Variants in FAM180A observed in about 807,000 individuals in gnomAD.
FAM180A encodes the protein protein FAM180A.
FAM180A carries 14 observed loss-of-function variants against 15.3 expected under a neutral mutation model. The ratio of observed to expected loss-of-function variants is 0.92; its 90% confidence interval spans 0.61 to 1.43. The LOEUF is 1.43. FAM180A is among the 40% of genes most tolerant of loss of function. FAM180A has a pLI of 0.00. For missense variants in FAM180A, 200 were observed against 220.8 expected (o/e 0.91, Z 0.60); for synonymous variants, 90 against 96.8 (o/e 0.93, Z 0.41).
chr7:135,731,833 C>G (rs1796787353), intron 3 of FAM180A, among the ~76,000 whole-genome samples: 2 of 152,160 alleles, frequency 1.3e-5, no homozygotes, highest in African/African-American at 4.8e-5. Flanking sequence ...CTTATTTGCT[C>G]AAAGATTTTG....
Position 135,739,879 on chromosome 7 carries a change from C to T in FAM180A, c.77-2680G>A, listed in dbSNP as rs80321660. ...TACATACAGTTTTATATTCTGTACC[C>T]GTGGCAGAGCCTGGCAGGCTTCCGG... On this transcript the variant is annotated intron_variant, in intron 1 of 3. Coordinates refer to ENST00000338588, the MANE Select transcript of FAM180A (RefSeq NM_205855.4). 2.0e-3 allele frequency among the ~76,000 whole-genome samples: 301 copies of T among 152,178 alleles called. 2 individuals carry two copies. Among genetic ancestry groups the T allele is most frequent in the African/African-American group, 6.9e-3 (288 of 41,532 alleles).
chr7:135,745,761 A>G (rs1167177670), intron 1 of FAM180A, among the ~76,000 whole-genome samples: 2 of 149,192 alleles, frequency 1.3e-5, no homozygotes, highest in East Asian at 4.0e-4. Flanking sequence ...GAGGATGGAC[A>G]CGGGGTAGTG....
chr7:135,742,396 G>C (rs141237534), intron 1 of FAM180A, among the ~76,000 whole-genome samples: 1 of 152,328 alleles, frequency 6.6e-6, no homozygotes, highest in Non-Finnish European at 1.5e-5. Flanking sequence ...TATGTGCAAA[G>C]CTGGAAACTA....
intron 3 of FAM180A, among the ~76,000 whole-genome samples, chr7:135,731,416 G>T (rs1796778681): frequency 6.6e-6 from 1 of 151,936 alleles, no homozygotes. Flanking sequence ...GAGTGTTAGA[G>T]TGTGGGTCAG....
intron 2 of FAM180A, among the ~76,000 whole-genome samples, chr7:135,735,795 C>T (rs182897765): frequency 1.3e-5 from 2 of 152,248 alleles, no homozygotes; most frequent in African/African-American, 4.8e-5. Context: ...CTCCACCTCC[C>T]GGGTTCAAGT....
Position 135,733,843 on chromosome 7 carries a change from C to T in FAM180A, c.*132G>A. 1 of 1,413,792 alleles carries T rather than the reference C, an allele frequency of 7.1e-7. No individual in the cohort carries two copies. The highest frequency in any genetic ancestry group is 9.2e-7 in the Non-Finnish European group (1 of 1,086,792). 87.6% of individuals were successfully genotyped at this position (1,413,792 alleles called of 1,614,324 possible). ...CAAGGAGAAAAGAGCATCGGGGTTA[C>T]TGTTTGATCTCTGCTGCTCTGTGTC... On this transcript the variant is annotated 3_prime_UTR_variant, in exon 3 of 4. Coordinates refer to ENST00000338588, the MANE Select transcript of FAM180A (RefSeq NM_205855.4).
At chr7:135,741,707 C>T (rs770870506) in intron 1 of FAM180A, among the ~76,000 whole-genome samples, 12 of 151,742 alleles carry the variant, frequency 7.9e-5, no homozygotes, top group Non-Finnish European at 1.6e-4. Flanking sequence ...GCTTGTGGTC[C>T]CAGCTACTTG....
chr7:135,732,688 A>ATC (rs1796801358), intron 3 of FAM180A, among the ~76,000 whole-genome samples: 1 of 99,118 alleles, frequency 1.0e-5, no homozygotes, highest in Non-Finnish European at 2.1e-5. Flanking sequence ...GCGAGACTCC[A>ATC]TCACACACAC....
intron 1 of FAM180A, among the ~76,000 whole-genome samples, chr7:135,737,474 C>T (rs916526471): frequency 6.6e-6 from 1 of 151,572 alleles, no homozygotes; most frequent in Non-Finnish European, 1.5e-5. Context: ...GTAATTGCAG[C>T]TACATGGAAG....
At chr7:135,737,072 G>T in intron 2 of FAM180A, 27 bp downstream of exon 2, 1 of 1,554,890 alleles carries the variant, frequency 6.4e-7, no homozygotes, top group Non-Finnish European at 8.8e-7. Context: ...TGGGTGACTT[G>T]GATTGAGCAT....
intron 1 of FAM180A, among the ~76,000 whole-genome samples, chr7:135,741,970 G>C (rs1404713185): frequency 6.6e-6 from 1 of 152,170 alleles, no homozygotes; most frequent in Non-Finnish European, 1.5e-5. Flanking sequence ...GGAAGCACAG[G>C]AATCTTAAAG....
At chr7:135,734,828 C>T (rs1177870229) in intron 2 of FAM180A, among the ~76,000 whole-genome samples, 1 of 152,190 alleles carries the variant, frequency 6.6e-6, no homozygotes, top group Non-Finnish European at 1.5e-5. Flanking sequence ...TGTTTCTTTT[C>T]TGTGTTAAAC....
At chr7:135,737,968 T>C (rs1796895675) in intron 1 of FAM180A, among the ~76,000 whole-genome samples, 1 of 152,202 alleles carries the variant, frequency 6.6e-6, no homozygotes, top group African/African-American at 2.4e-5. Context: ...ACTGCACGCA[T>C]CTTAGCGCGT....
chr7:135,735,274 CAA>C (rs1796855029), intron 2 of FAM180A, among the ~76,000 whole-genome samples: 1 of 152,164 alleles, frequency 6.6e-6, no homozygotes, highest in Non-Finnish European at 1.5e-5. Context: ...CCTTGGCAAA[CAA>C]TATATTTATT....
rs767403406 is a variant in FAM180A at position 135,734,228 on chromosome 7, C to T, written c.269G>A (p.Arg90His). The change falls in exon 3 of 4, where the codon CGC (arginine) becomes CAC (histidine). Residue 90 changes from arginine (R) to histidine (H), a missense_variant. Arg to His is a conservative substitution (Grantham distance 29). Transcript: ENST00000338588. ...LASLRKASDF[R>H]TVCNNVIPKS... is the part of the protein sequence containing the mutation. ...GGGGATGACGTTGTTGCAGACGGTG[C>T]GGAAGTCTGAGGCCTTCCGCAAGGA... 1.7e-5 allele frequency: 27 copies of T among 1,614,032 alleles called. No homozygotes were observed. Among genetic ancestry groups the T allele is most frequent in the East Asian group, 1.3e-4 (6 of 44,898 alleles).
In FAM180A at chr7:135,737,028, T is replaced by C. The variant is rs1444237970; in HGVS notation, c.177+71A>G. On this transcript the variant is annotated intron_variant, in intron 2 of 3. Transcript: ENST00000338588. ...CAGGGGCTGAGGGGTCACTTCTCCT[T>C]TTCCAAAAAAGATAGAGAAAGTGCA... 1.0e-5 allele frequency: 13 copies of C among 1,294,554 alleles called. No individual in the cohort carries two copies. In the East Asian group the frequency reaches 3.2e-4, roughly 31 times the overall value. 80.2% of individuals were successfully genotyped at this position (1,294,554 alleles called of 1,614,324 possible).
At chr7:135,737,977 G>A (rs572347085) in intron 1 of FAM180A, among the ~76,000 whole-genome samples, 6 of 152,328 alleles carry the variant, frequency 3.9e-5, no homozygotes, top group African/African-American at 9.6e-5. Flanking sequence ...ATCTTAGCGC[G>A]TTATCAGTAT....
chr7:135,737,988 G>A (rs958113809), intron 1 of FAM180A, among the ~76,000 whole-genome samples: 40 of 152,228 alleles, frequency 2.6e-4, no homozygotes, highest in African/African-American at 8.9e-4. Context: ...TTATCAGTAT[G>A]AAGTGCTGGT....
At chr7:135,741,377 C>T (rs968934553) in intron 1 of FAM180A, among the ~76,000 whole-genome samples, 1 of 152,050 alleles carries the variant, frequency 6.6e-6, no homozygotes, top group Non-Finnish European at 1.5e-5. Flanking sequence ...TGGTGGCAGG[C>T]ACCTACAGGG....
Sources: allele counts gnomAD v4.1 joint callset (sites outside exome capture counted in the v4.1 genomes callset), GRCh38; gene constraint gnomAD v4.1.1; transcripts MANE v1.5; gene names NCBI Gene and HGNC (gene_info 2026-07-23, HGNC 2026-07-21).